Variants in NCOR2 observed in about 807,000 individuals in gnomAD.
NCOR2 encodes nuclear receptor corepressor 2.
NCOR2 carries 81 observed loss-of-function variants against 262.9 expected under a neutral mutation model. That is an observed-to-expected ratio of 0.31 (90% confidence interval 0.26 to 0.37). NCOR2 has a LOEUF of 0.37. Among genes scored for constraint, NCOR2 ranks in the 10% least tolerant of loss-of-function variants. The pLI is 1.00. For missense variants in NCOR2, 3,385 were observed against 3,621.4 expected, an observed-to-expected ratio of 0.93 and a Z score of 1.68; for synonymous variants, 1,659 against 1,559.3, an observed-to-expected ratio of 1.06 and a Z score of -1.51.
intron 18 of NCOR2, among the ~76,000 whole-genome samples, chr12:124,377,578 C>T (rs2040103139): frequency 6.6e-6 from 1 of 152,130 alleles, no homozygotes. Flanking sequence ...GTGACTCACA[C>T]CTGTAATTCC....
chr12:124,366,696 G>T (rs1881070), intron 20 of NCOR2, among the ~76,000 whole-genome samples: 147,111 of 152,130 alleles, frequency 0.97, 71,221 homozygotes, highest in Non-Finnish European at 0.99. Context: ...TTTCTTTTTT[G>T]TGGTAGAGCC....
chr12:124,436,738 A>G (rs750770581), intron 8 of NCOR2, among the ~76,000 whole-genome samples: 2 of 152,196 alleles, frequency 1.3e-5, no homozygotes, highest in Admixed American at 6.5e-5. Flanking sequence ...CCCACCTGCT[A>G]TGGGAATTCA....
In NCOR2 at chr12:124,495,025, GC is replaced by G; in HGVS notation, c.105+121del. ...GGGTCTCTGTGGCGGCCTCCCCTCT[GC>G]CCTGGGAGGCTCAGAGCCACATGAG... On this transcript the variant is annotated intron_variant, in intron 1 of 46. Transcript: ENST00000405201. The surrounding 1 kb of genome is among the most constrained non-coding windows in gnomAD (Gnocchi z 4.4). 4 of 1,273,762 alleles carry G rather than the reference GC, an allele frequency of 3.1e-6. No homozygotes were observed. The highest frequency in any genetic ancestry group is 4.3e-6 in the Non-Finnish European group (4 of 925,572). The allele number at this position is 1,273,762 out of a possible 1,614,324, so 78.9% of individuals were successfully genotyped here. A position where few individuals can be genotyped will look rare whatever the true frequency, so the allele number is the denominator to read the frequency against.
At chr12:124,352,351 G>A (rs2037558588) in intron 27 of NCOR2, among the ~76,000 whole-genome samples, 1 of 152,108 alleles carries the variant, frequency 6.6e-6, no homozygotes, top group Non-Finnish European at 1.5e-5. Flanking sequence ...AAAAAGGGGG[G>A]CTCTCCATGG....
rs1271378007 is a variant in NCOR2, at chr12:124,483,110, G to A, written c.411+486C>T. On this transcript the variant is annotated intron_variant, in intron 3 of 46. Transcript: ENST00000405201. The surrounding 1 kb of genome is among the most constrained non-coding windows in gnomAD (Gnocchi z 6.3). ...TTCAAGGCCCAGGGGGCTGCCTGCT[G>A]TGCAGGGCTCGAGGCAGGGGTCACT... Among the ~76,000 whole-genome samples, 1 of 152,108 alleles carries A rather than the reference G, an allele frequency of 6.6e-6. No homozygotes were observed. Among genetic ancestry groups the A allele is most frequent in the East Asian group, 1.9e-4 (1 of 5,170 alleles).
rs2039756232 is a variant in NCOR2, at chr12:124,373,814, TGTGCAGGGGCCCTGG to T, written c.2218+584_2218+598del. ...GGTGGACAATCATGAGGCCAGTGCG[TGTGCAGGGGCCCTGG>T]GCACGGTGGACAATCATGAGGCCAG... is the stretch of plus-strand genomic sequence containing the variant. On this transcript the variant is annotated intron_variant, in intron 19 of 46. Transcript: ENST00000405201. Among the ~76,000 whole-genome samples the T allele has an allele frequency of 3.9e-4, 7 of 18,114 alleles. 3 individuals carry two copies. Among genetic ancestry groups the T allele is most frequent in the Non-Finnish European group, 7.9e-4 (4 of 5,042 alleles). The allele number at this position is 18,114 out of a possible 152,430, so 11.9% of individuals were successfully genotyped here.
At chr12:124,514,817 C>CAAAAA (rs55977979) in intron 1 of NCOR2, 1 of 92,604 alleles carries the variant, frequency 1.1e-5, no homozygotes, top group African/African-American at 4.2e-5. Flanking sequence ...GACTTTGTCT[C>CAAAAA]AAAAAAAAAA....
chr12:124,413,211 T>G (rs1174682468), intron 13 of NCOR2, among the ~76,000 whole-genome samples: 1 of 152,172 alleles, frequency 6.6e-6, no homozygotes, highest in Non-Finnish European at 1.5e-5. Flanking sequence ...GTGGGCGCTG[T>G]TGACCCTGGG....
At chr12:124,466,449 C>A (rs1302045084) in intron 4 of NCOR2, among the ~76,000 whole-genome samples, 163 bp from the exon 7 acceptor site, 2 of 152,142 alleles carry the variant, frequency 1.3e-5, no homozygotes, top group African/African-American at 4.8e-5. Context: ...GACTCCGCAC[C>A]CGGGAGAGGC....
At chr12:124,539,566 G>C (rs921246932), upstream of NCOR2, 4 of 152,192 alleles carry the variant, frequency 2.6e-5, no homozygotes, top group Non-Finnish European at 5.9e-5. This position sits in a 1 kb window ranked among gnomAD's most constrained non-coding sequence, Gnocchi z 5.1. Flanking sequence ...CTCCATCCTC[G>C]CGCCCCTGGG....
chr12:124,387,098 T>G (rs1291538919), intron 16 of NCOR2, among the ~76,000 whole-genome samples: 2 of 152,280 alleles, frequency 1.3e-5, no homozygotes, highest in East Asian at 3.8e-4. Context: ...AATGAAGGTT[T>G]TAACCATTTT....
intron 1 of NCOR2, among the ~76,000 whole-genome samples, chr12:124,508,748 T>C (rs1437804682): frequency 6.6e-6 from 1 of 152,094 alleles, no homozygotes; most frequent in Non-Finnish European, 1.5e-5. Flanking sequence ...AAAAAAACAC[T>C]GACTATAAAA....
At chr12:124,385,657 C>T in intron 17 of NCOR2, 88 bp downstream of exon 19, 1 of 1,550,154 alleles carries the variant, frequency 6.5e-7, no homozygotes, top group Non-Finnish European at 8.7e-7. Context: ...TGGCCCATGC[C>T]TCCTGGGGTG....
At chr12:124,382,903 G>A (rs1225727415) in intron 17 of NCOR2, among the ~76,000 whole-genome samples, 1 of 152,204 alleles carries the variant, frequency 6.6e-6, no homozygotes, top group Non-Finnish European at 1.5e-5. Flanking sequence ...TTACAGAGGT[G>A]GAAACTGAAG....
intron 16 of NCOR2, chr12:124,388,907 A>G (rs1593328971): frequency 3.8e-6 from 1 of 260,570 alleles, no homozygotes; most frequent in South Asian, 7.5e-5. Context: ...CGAGGGAGGG[A>G]GGGACGCGGC....
At chr12:124,418,076 C>A (rs930898841) in intron 13 of NCOR2, among the ~76,000 whole-genome samples, 45 of 148,062 alleles carry the variant, frequency 3.0e-4, no homozygotes, top group South Asian at 1.5e-3. Flanking sequence ...AAAAAAAAAA[C>A]AAATCCCAAA....
upstream of NCOR2, among the ~76,000 whole-genome samples, chr12:124,537,195 T>C (rs1426063764): frequency 4.6e-5 from 7 of 152,260 alleles, no homozygotes; most frequent in Admixed American, 2.0e-4. Context: ...AGGCAGCCCA[T>C]GTCTACAAGG....
intron 13 of NCOR2, among the ~76,000 whole-genome samples, chr12:124,413,114 C>T (rs1172988013): frequency 6.6e-6 from 1 of 152,240 alleles, no homozygotes; most frequent in Non-Finnish European, 1.5e-5. Context: ...ATTTCAATCC[C>T]ACCTTGACAA....
At chr12:124,356,644 G>C in exon 23 of NCOR2, 2 of 1,435,042 alleles carry the variant, frequency 1.4e-6, no homozygotes, top group Non-Finnish European at 1.8e-6. Flanking sequence ...CTACTTACCA[G>C]GTGGAGCGTA....
Sources: gnomAD v4.1 joint callset for allele counts (sites outside exome capture counted in the v4.1 genomes callset) on GRCh38, gnomAD v4.1.1 for gene constraint, Gnocchi (gnomAD v3.1) non-coding constraint, MANE v1.5 for transcripts, NCBI Gene and HGNC (gene_info 2026-07-23, HGNC 2026-07-21) for gene names.